The following IGSF9B variants were observed in gnomAD, a reference collection of about 807,000 sequenced individuals.
IGSF9B encodes the protein immunoglobulin superfamily member 9B, also known as protein turtle homolog B.
In IGSF9B, 48 loss-of-function variants were observed where a neutral mutation model predicts 143.7. That is an observed-to-expected ratio of 0.33 (90% CI 0.26 to 0.42). IGSF9B has a LOEUF of 0.42. Ranked by LOEUF, IGSF9B falls within the 20% of genes least tolerant of loss-of-function variation. IGSF9B has a pLI of 1.00. For synonymous variants in IGSF9B, 903 were observed against 833.1 expected (o/e 1.08, Z -1.44); for missense variants, 1,706 against 1,980.0 (o/e 0.86, Z 2.63).
At chr11:133,912,918 AC>A in intron 18 of IGSF9B, among the ~76,000 whole-genome samples, 1 of 152,224 alleles carries the variant, frequency 6.6e-6, no homozygotes, top group Admixed American at 6.5e-5. Flanking sequence ...CAGCCCAGGT[AC>A]ACAAGGGAGC....
chr11:133,956,659 G>A (rs1940262070), intron 1 of IGSF9B, 32 bp downstream of exon 1: 3 of 1,472,508 alleles, frequency 2.0e-6, no homozygotes, highest in South Asian at 2.5e-5. Context: ...GCGCCGGGAG[G>A]GGCAGGGGAG....
chr11:133,917,262 G>C (rs1210574211), intron 18 of IGSF9B, among the ~76,000 whole-genome samples: 1 of 152,340 alleles, frequency 6.6e-6, no homozygotes, highest in South Asian at 2.1e-4. Context: ...TACTGTGAGA[G>C]GGAGCGAGCT....
Position 133,920,479 on chromosome 11 carries a change from G to T in IGSF9B, c.3246C>A (p.Pro1082=), listed in dbSNP as rs1470016894. 7.6e-6 allele frequency: 12 copies of T among 1,573,544 alleles called. No individual in the cohort carries two copies. Among genetic ancestry groups the T allele is most frequent in the Non-Finnish European group, 9.5e-6 (11 of 1,158,900 alleles). The change falls in exon 18 of 20, where the codon CCC becomes CCA. Residue 1082 remains proline (P), a synonymous_variant. Transcript: ENST00000533871. ...PKAGLPRGLP[P]TSLQVPAAYP... is the part of the protein sequence containing the mutation. ...AGGCCGCGGGCACCTGCAGGGAGGTGGGGGGCAGTCCTCGGGGGAGGCCGG... is the reference window on the plus strand; with the variant it reads ...AGGCCGCGGGCACCTGCAGGGAGGTTGGGGGCAGTCCTCGGGGGAGGCCGG...
intron 1 of IGSF9B, among the ~76,000 whole-genome samples, chr11:133,954,617 A>G (rs1423065985): frequency 6.6e-6 from 1 of 152,220 alleles, no homozygotes; most frequent in Non-Finnish European, 1.5e-5. Context: ...CCCTAAAAGT[A>G]CATGCTATTG....
rs1483618236 is a variant in IGSF9B at position 133,899,934 on chromosome 11, C to G, written c.*9135G>C. ...AGGATGGTGCCACTGACAGTGGCAC[C>G]AGCACTGGATCCTTCCAGCTGCATG... On this transcript the variant is annotated 3_prime_UTR_variant, in exon 20 of 20. Transcript: ENST00000533871. 2.0e-5 allele frequency: 3 copies of G among 152,122 alleles called. No homozygotes were observed. The highest frequency in any genetic ancestry group is 4.4e-5 in the Non-Finnish European group (3 of 68,026). The allele number at this position is 152,122 out of a possible 1,614,324, so 9.4% of individuals were successfully genotyped here.
chr11:133,929,869 G>A, intron 11 of IGSF9B, 87 bp from the exon 12 acceptor site: 2 of 848,096 alleles, frequency 2.4e-6, no homozygotes, highest in South Asian at 2.9e-5. Flanking sequence ...GAACCTGAGA[G>A]GCTGAAGCGC....
chr11:133,918,954 G>A, intron 18 of IGSF9B: 1 of 467,520 alleles, frequency 2.1e-6, no homozygotes, highest in East Asian at 6.9e-5. Flanking sequence ...GCAGGGGGAG[G>A]AGGAGCGGGG....
intron 1 of IGSF9B, among the ~76,000 whole-genome samples, chr11:133,956,176 GC>G (rs1332967010): frequency 6.6e-6 from 1 of 152,100 alleles, no homozygotes; most frequent in African/African-American, 2.4e-5. Flanking sequence ...AGCGATGGAC[GC>G]CCGCAGGGCC....
chr11:133,908,131 G>A lies in IGSF9B; in HGVS notation c.*938C>T, dbSNP rs1565411676. 1.3e-5 allele frequency among the ~76,000 whole-genome samples: 2 copies of A among 152,202 alleles called. No individual in the cohort carries two copies. Among genetic ancestry groups the A allele is most frequent in the Non-Finnish European group, 2.9e-5 (2 of 68,044 alleles). ...CACAGAGCTCACGGCCTGGCTGGGC[G>A]GAAGGGCGCCGACGGATGCGCTGGA... On this transcript the variant is annotated 3_prime_UTR_variant, in exon 20 of 20. Coordinates refer to ENST00000533871, the MANE Select transcript of IGSF9B (RefSeq NM_001277285.4).
rs762782479 is a variant in IGSF9B, at chr11:133,920,849, C to CG, written c.2875dup (p.Arg959ProfsTer80). 3 of 1,599,216 alleles carry CG rather than the reference C, an allele frequency of 1.9e-6. No homozygotes were observed. Among genetic ancestry groups the CG allele is most frequent in the Non-Finnish European group, 1.7e-6 (2 of 1,172,442 alleles). On this transcript the variant is annotated frameshift_variant, in exon 18 of 20. Transcript: ENST00000533871. LOFTEE classifies it high-confidence loss of function. ...ATAATACTGGCCATGGTGGAAGGGC[C>CG]GGGGGGCAGGGGGCCGGGCCTGGCC...
intron 13 of IGSF9B, 71 bp downstream of exon 13, chr11:133,926,845 A>G (rs1279087107): frequency 1.0e-5 from 14 of 1,358,986 alleles, no homozygotes; most frequent in South Asian, 5.6e-5. Flanking sequence ...GCCGACTGCT[A>G]TAGCTGCCTG....
At chr11:133,912,438 A>G (rs1297706833) in intron 18 of IGSF9B, 2 of 446,942 alleles carry the variant, frequency 4.5e-6, no homozygotes, top group East Asian at 7.0e-5. Context: ...AGCAGCTCCC[A>G]TCCCAGTGAA....
chr11:133,925,291 C>T (rs1238898145), intron 14 of IGSF9B, among the ~76,000 whole-genome samples: 1 of 152,202 alleles, frequency 6.6e-6, no homozygotes, highest in Non-Finnish European at 1.5e-5. Context: ...CCAAGTTTAA[C>T]GGAGCTACTG....
rs1939488239 is a variant in IGSF9B, at chr11:133,920,067, C to T, written c.3658G>A (p.Ala1220Thr). Residue 1220 changes from alanine to threonine, a missense_variant, in exon 18 of 20, where the codon GCC becomes ACC. By Grantham distance (58) the Ala-to-Thr change is moderately conservative. This residue lies in a region of IGSF9B where 880 missense variants were observed against 762.9 expected (regional missense o/e 1.15). Transcript: ENST00000533871. Reference protein sequence around the residue: ...SSRTGSPELAARARPRPGLLQ... With the variant: ...SSRTGSPELATRARPRPGLLQ... ...AGGCCCGGGCGAGGCCGGGCACGGGCGGCGAGCTCAGGGGAGCCGGTGCGG... is the reference window on the plus strand; with the variant it reads ...AGGCCCGGGCGAGGCCGGGCACGGGTGGCGAGCTCAGGGGAGCCGGTGCGG... 4 of 1,542,148 alleles carry T rather than the reference C, an allele frequency of 2.6e-6. No homozygotes were observed. The highest frequency in any genetic ancestry group is 2.8e-5 in the African/African-American group (2 of 72,166).
chr11:133,951,265 T>A (rs1248730857), intron 1 of IGSF9B, among the ~76,000 whole-genome samples: 1 of 152,210 alleles, frequency 6.6e-6, no homozygotes, highest in Non-Finnish European at 1.5e-5. Context: ...GACAGCCTTC[T>A]GCCTGCGGGA....
At chr11:133,910,787 T>C (rs1226139215) in intron 19 of IGSF9B, among the ~76,000 whole-genome samples, 76 of 152,184 alleles carry the variant, frequency 5.0e-4, no homozygotes, top group Non-Finnish European at 1.3e-4. Flanking sequence ...GATGTGACTT[T>C]TTTTTGCAAT....
At chr11:133,918,757 C>T (rs990061821) in intron 18 of IGSF9B, among the ~76,000 whole-genome samples, 4 of 151,404 alleles carry the variant, frequency 2.6e-5, no homozygotes, top group African/African-American at 7.3e-5. Flanking sequence ...CTCTCTGCTC[C>T]CTCCACAGGC....
Position 133,914,228 on chromosome 11 carries a change from G to A in IGSF9B, c.3984-2221C>T, listed in dbSNP as rs528732661. The stretch of plus-strand genomic sequence containing the variant: ...ACTACAATGCCCCCATTTTTCAGAT[G>A]GAGACACTGAAGTTTAGAGAGGTGA... On this transcript the variant is annotated intron_variant, in intron 18 of 19. Transcript: ENST00000533871. Among the ~76,000 whole-genome samples, 232 of 152,210 alleles carry A rather than the reference G, an allele frequency of 1.5e-3. 2 individuals carry two copies. Among genetic ancestry groups the A allele is most frequent in the African/African-American group, 5.3e-3 (221 of 41,534 alleles).
At chr11:133,912,104 G>A (rs1180908700) in intron 18 of IGSF9B, 97 bp from the exon 19 acceptor site, 39 of 1,405,266 alleles carry the variant, frequency 2.8e-5, no homozygotes, top group Non-Finnish European at 3.5e-5. Context: ...CCCACAGAAG[G>A]ACAGAGTTCA....
Sources: allele counts gnomAD v4.1 joint callset (sites outside exome capture counted in the v4.1 genomes callset), GRCh38; gene constraint gnomAD v4.1.1; regional missense constraint gnomAD v4.1.1; transcripts MANE v1.5; gene names NCBI Gene and HGNC (gene_info 2026-07-23, HGNC 2026-07-21).